Variants in FER1L5 observed in about 807,000 individuals in gnomAD.
FER1L5 encodes fer-1 like family member 5, also known as fer-1-like protein 5.
A neutral mutation model predicts 279.9 loss-of-function variants in FER1L5; 187 were observed. That is an observed-to-expected ratio of 0.67 (90% CI 0.59 to 0.75). The LOEUF (loss-of-function observed/expected upper bound fraction) is 0.75, where lower values mean the gene tolerates loss of function less well. Ranked by LOEUF, FER1L5 falls within the 30% of genes least tolerant of loss-of-function variation. The probability of loss-of-function intolerance (pLI) is 0.00; values close to 1 mark genes in which losing one functional copy is unlikely to be tolerated. For missense variants in FER1L5, 2,091 were observed against 2,594.4 expected, an observed-to-expected ratio of 0.81 and a Z score of 4.21; for synonymous variants, 921 against 989.7, an observed-to-expected ratio of 0.93 and a Z score of 1.30.
At chr2:96,650,387 A>G in intron 6 of FER1L5, 98 bp downstream of exon 6, 1 of 996,766 alleles carries the variant, frequency 1.0e-6, no homozygotes, top group Non-Finnish European at 1.5e-6. Flanking sequence ...TCATGGTAGA[A>G]GGGCAGAGCT....
At chr2:96,682,096 G>A (rs766996937) in intron 19 of FER1L5, among the ~76,000 whole-genome samples, 1 of 139,508 alleles carries the variant, frequency 7.2e-6, no homozygotes, top group Non-Finnish European at 1.6e-5. Flanking sequence ...CTTTTTTGTT[G>A]CTGTTTTCGA....
At chr2:96,672,306 GA>G (rs1243911383) in intron 18 of FER1L5, among the ~76,000 whole-genome samples, 8 of 152,046 alleles carry the variant, frequency 5.3e-5, no homozygotes, top group Non-Finnish European at 1.0e-4. Context: ...TTGATCTCTT[GA>G]CCTTGTGATC....
chr2:96,681,460 A>G (rs968788343), intron 19 of FER1L5, among the ~76,000 whole-genome samples: 4 of 152,216 alleles, frequency 2.6e-5, no homozygotes, highest in Non-Finnish European at 5.9e-5. Context: ...TGGAGAATGA[A>G]ACTTTAGCCA....
In FER1L5 at chr2:96,698,946, T is replaced by A; in HGVS notation, c.4519-99T>A. 1 of 1,529,776 alleles carries A rather than the reference T, an allele frequency of 6.5e-7. No individual in the cohort carries two copies. Among genetic ancestry groups the A allele is most frequent in the Non-Finnish European group, 8.9e-7 (1 of 1,128,168 alleles). 94.8% of individuals were successfully genotyped at this position (1,529,776 alleles called of 1,614,324 possible). On this transcript the variant is annotated intron_variant, in intron 41 of 52. Coordinates refer to ENST00000624922, the MANE Select transcript of FER1L5 (RefSeq NM_001293083.2). The surrounding 1 kb of genome is among the most constrained non-coding windows in gnomAD (Gnocchi z 5.5). The stretch of plus-strand genomic sequence containing the variant: ...ATGCCAACTCCCCATAGGCTCCGTG[T>A]GGTGCGAGGGGCTTGTTTCCACCCT...
Position 96,704,295 on chromosome 2 carries a change from A to G in FER1L5, c.5882A>G (p.Lys1961Arg), listed in dbSNP as rs2077704209. Residue 1961 changes from lysine to arginine, a missense_variant, in exon 52 of 53, where the codon AAA becomes AGA. Physicochemically the swap from Lys to Arg is conservative, Grantham distance 26. Coordinates refer to ENST00000624922, the MANE Select transcript of FER1L5 (RefSeq NM_001293083.2). ...ATTTTCTGGAAACGCTATCGCTTCA[A>G]ACTCATAGCCTTTATGGTCATATCG... ...CYIFWKRYRF[K>R]LIAFMVISII... 6.2e-7 allele frequency: 1 copy of G among 1,614,038 alleles called. No individual in the cohort carries two copies. Among genetic ancestry groups the G allele is most frequent in the Non-Finnish European group, 8.5e-7 (1 of 1,179,890 alleles).
At chr2:96,676,818 G>C (rs1234915884) in intron 19 of FER1L5, among the ~76,000 whole-genome samples, 1 of 152,032 alleles carries the variant, frequency 6.6e-6, no homozygotes, top group East Asian at 1.9e-4. Context: ...ATTAATTACA[G>C]TATAATTGCA....
At chr2:96,696,725 A>T (rs926897702) in intron 37 of FER1L5, among the ~76,000 whole-genome samples, 13 of 146,918 alleles carry the variant, frequency 8.8e-5, no homozygotes, top group Non-Finnish European at 1.5e-4. Context: ...ACACGGTGAA[A>T]CCCCATCTCT....
intron 19 of FER1L5, among the ~76,000 whole-genome samples, chr2:96,673,968 C>T (rs543179231): frequency 6.6e-6 from 1 of 152,298 alleles, no homozygotes; most frequent in East Asian, 1.9e-4. Flanking sequence ...CCATTCTGAG[C>T]CTTTCTGGGC....
chr2:96,697,630 C>A (rs568324234), intron 38 of FER1L5, 30 bp from the exon 39 acceptor site: 1 of 1,613,822 alleles, frequency 6.2e-7, no homozygotes, highest in East Asian at 2.2e-5. Flanking sequence ...TGCCCCTGCC[C>A]GAGGCCAGAA....
In FER1L5 at chr2:96,660,386, T is replaced by C. The variant is rs368542157; in HGVS notation, c.778+15T>C. On this transcript the variant is annotated intron_variant, in intron 10 of 52. Transcript: ENST00000624922. ...CCATTCTCCAGGTAGGTAATACTTA[T>C]GGCAAATATGTATGTCTTCTGAGAA... The C allele has an allele frequency of 9.4e-4, 1,459 of 1,551,400 alleles. 13 individuals carry two copies. The highest frequency in any genetic ancestry group is 4.6e-4 in the Non-Finnish European group (530 of 1,146,826).
Position 96,649,709 on chromosome 2 carries a change from G to A in FER1L5, c.394+32G>A, listed in dbSNP as rs114180580. On this transcript the variant is annotated intron_variant, in intron 5 of 52. Transcript: ENST00000624922. ...CCTTCCCTGGAGCTTACCCTTAAGG[G>A]CCTACCCTGCCTTTCTGCATGCACA... The A allele has an allele frequency of 6.7e-4, 1,030 of 1,548,664 alleles. 5 individuals are homozygous for A. In the African/African-American group the frequency reaches 0.012, roughly 18 times the overall value.
At chr2:96,699,174 C>T in intron 42 of FER1L5, 38 bp downstream of exon 42, 1 of 1,563,308 alleles carries the variant, frequency 6.4e-7, no homozygotes, top group South Asian at 1.2e-5. Context: ...TTCTCCACTC[C>T]TATCCACACC....
intron 9 of FER1L5, among the ~76,000 whole-genome samples, chr2:96,656,676 C>T (rs139187089): frequency 6.6e-6 from 1 of 151,968 alleles, no homozygotes; most frequent in East Asian, 1.9e-4. Flanking sequence ...ACCAGGTCCA[C>T]TCATTGCAAG....
In FER1L5 at chr2:96,698,662, C is replaced by A; in HGVS notation, c.4357-9C>A. ...CCAGGCTGGGCCCCCAACACCCTCC[C>A]CCCGCCAGGGCCTTTTCCGCATCTA... On this transcript the variant is annotated splice_polypyrimidine_tract_variant and intron_variant, in intron 40 of 52. Transcript: ENST00000624922. This position sits in a 1 kb window ranked among gnomAD's most constrained non-coding sequence, Gnocchi z 5.5. 1 of 1,576,884 alleles carries A rather than the reference C, an allele frequency of 6.3e-7. No individual in the cohort carries two copies. Among genetic ancestry groups the A allele is most frequent in the East Asian group, 2.4e-5 (1 of 42,482 alleles).
chr2:96,689,310 T>C lies in FER1L5; in HGVS notation c.2459T>C (p.Met820Thr). Residue 820 changes from methionine (M) to threonine (T), a missense_variant, in exon 25 of 53, where the codon ATG becomes ACG. Met to Thr is a moderately conservative substitution (Grantham distance 81). Coordinates refer to ENST00000624922, the MANE Select transcript of FER1L5 (RefSeq NM_001293083.2). This position sits in a 1 kb window ranked among gnomAD's most constrained non-coding sequence, Gnocchi z 4.6. ...GTCATGGGGAACAAGACCCTCCCCA[T>C]GACGGATTTCCAACCACCCCTGGGA... The part of the protein sequence containing the change: ...SDVMGNKTLP[M>T]TDFQPPLGWH... 12 of 1,550,216 alleles carry C rather than the reference T, an allele frequency of 7.7e-6. No homozygotes were observed. Among genetic ancestry groups the C allele is most frequent in the Non-Finnish European group, 1.0e-5 (12 of 1,146,594 alleles).
intron 51 of FER1L5, 73 bp downstream of exon 51, chr2:96,703,705 C>A: frequency 7.3e-7 from 1 of 1,375,406 alleles, no homozygotes; most frequent in Non-Finnish European, 1.0e-6. Context: ...ACCAGTGGGC[C>A]TATCATGGAG....
Position 96,689,170 on chromosome 2 carries a change from G to C in FER1L5, c.2362-43G>C. The C allele has an allele frequency of 6.5e-7, 1 of 1,540,826 alleles. No homozygotes were observed. The highest frequency in any genetic ancestry group is 1.4e-5 in the African/African-American group (1 of 72,610). ...GGGGAGGCCCATGTCCCCGCACTTTGTGCTAGAGGAGGCGGCCGCCCTGAC... is the reference window on the plus strand; with the variant it reads ...GGGGAGGCCCATGTCCCCGCACTTTCTGCTAGAGGAGGCGGCCGCCCTGAC... On this transcript the variant is annotated intron_variant, in intron 24 of 52. Coordinates refer to ENST00000624922, the MANE Select transcript of FER1L5 (RefSeq NM_001293083.2). This position sits in a 1 kb window ranked among gnomAD's most constrained non-coding sequence, Gnocchi z 4.6.
intron 14 of FER1L5, among the ~76,000 whole-genome samples, chr2:96,665,500 C>T (rs1254662822): frequency 2.0e-5 from 3 of 152,166 alleles, no homozygotes; most frequent in African/African-American, 4.8e-5. Flanking sequence ...CCACCTTTTC[C>T]GGCCTGTGAT....
At position 96,704,860 on chromosome 2, in the gene FER1L5, C is replaced by T. The variant is rs538939204; in HGVS notation, c.*168C>T. 170 of 627,770 alleles carry T rather than the reference C, an allele frequency of 2.7e-4. 2 individuals carry two copies. In the Middle Eastern group the frequency reaches 4.3e-3, roughly 16 times the overall value. The allele number at this position is 627,770 out of a possible 1,614,324, so 38.9% of individuals were successfully genotyped here. On this transcript the variant is annotated 3_prime_UTR_variant, in exon 53 of 53. Transcript: ENST00000624922. ...AGACGAGCAGAGCTGTAATTTTCCA[C>T]TGAAATAAACAAGTTCTATAACAGA...
Sources: gnomAD v4.1 joint callset for allele counts (sites outside exome capture counted in the v4.1 genomes callset) on GRCh38, gnomAD v4.1.1 for gene constraint, Gnocchi (gnomAD v3.1) non-coding constraint, MANE v1.5 for transcripts, NCBI Gene and HGNC (gene_info 2026-07-23, HGNC 2026-07-21) for gene names.